The following AZIN1 variants were observed in gnomAD, a reference collection of about 807,000 sequenced individuals.
AZIN1 encodes the protein ornithine decarboxylase antizyme inhibitor.
In AZIN1, 12 loss-of-function variants were observed where a neutral mutation model predicts 47.4. That is an observed-to-expected ratio of 0.25 (90% CI 0.16 to 0.41). The LOEUF (loss-of-function observed/expected upper bound fraction) is 0.41. Among genes scored for constraint, AZIN1 ranks in the 10% least tolerant of loss-of-function variants. The probability of loss-of-function intolerance (pLI) is 1.00; values close to 1 mark genes in which losing one functional copy is unlikely to be tolerated. For synonymous variants in AZIN1, 155 were observed against 176.3 expected, an observed-to-expected ratio of 0.88 and a Z score of 0.96; for missense variants, 410 against 532.4, an observed-to-expected ratio of 0.77 and a Z score of 2.26.
chr8:102,860,286 G>A (rs1482959210), intron 1 of AZIN1, among the ~76,000 whole-genome samples: 5 of 152,160 alleles, frequency 3.3e-5, no homozygotes, highest in East Asian at 1.9e-4. Context: ...TTTTTGAGAC[G>A]GAGTCTCGCT....
intron 2 of AZIN1, among the ~76,000 whole-genome samples, 176 bp from the exon 3 acceptor site, chr8:102,843,923 T>C (rs1164152122): frequency 6.6e-6 from 1 of 152,178 alleles, no homozygotes; most frequent in African/African-American, 2.4e-5. Flanking sequence ...ATACATGAAT[T>C]AAAATACATT....
chr8:102,829,907 A>C lies in AZIN1; in HGVS notation c.934T>G (p.Phe312Val). 1 of 1,610,486 alleles carries C rather than the reference A, an allele frequency of 6.2e-7. No individual in the cohort carries two copies. Among genetic ancestry groups the C allele is most frequent in the South Asian group, 1.1e-5 (1 of 89,768 alleles). Residue 312 changes from phenylalanine (F) to valine (V), a missense_variant, in exon 10 of 12, where the codon TTC becomes GTC. Coordinates refer to ENST00000337198, the MANE Select transcript of AZIN1 (RefSeq NM_148174.4). ...ACACCATCATTCATATAATACATGA[A>C]GGCTGGTTCATCACTTCCGGTTTTT... Reference protein sequence around the residue: ...VEKTGSDEPAFMYYMNDGVYG... With the variant: ...VEKTGSDEPAVMYYMNDGVYG...
In AZIN1 at chr8:102,863,634, CGCCGCCGCCGCCGGGGGCACAGACA is replaced by C. The variant is rs1321390977; in HGVS notation, c.-234+148_-234+172del. Among the ~76,000 whole-genome samples the C allele has an allele frequency of 3.9e-4, 58 of 149,358 alleles. 1 individual carries two copies. Among genetic ancestry groups the C allele is most frequent in the Admixed American group, 3.3e-3 (50 of 15,040 alleles). On this transcript the variant is annotated intron_variant, in intron 1 of 11. Coordinates refer to ENST00000337198, the MANE Select transcript of AZIN1 (RefSeq NM_148174.4). ...GCGGCCCGCCGCCCAGCCCCGCCGC[CGCCGCCGCCGCCGGGGGCACAGACA>C]GCCGCCGCCGCCATGTTCGAGGCGG...
chr8:102,832,685 G>T (rs1428499894), intron 9 of AZIN1, among the ~76,000 whole-genome samples: 1 of 150,550 alleles, frequency 6.6e-6, no homozygotes, highest in Non-Finnish European at 1.5e-5. Flanking sequence ...TTGTCACCCA[G>T]GCTGGAGTCC....
intron 3 of AZIN1, among the ~76,000 whole-genome samples, chr8:102,841,304 G>A (rs1812163564): frequency 6.6e-6 from 1 of 152,210 alleles, no homozygotes; most frequent in Admixed American, 6.5e-5. Flanking sequence ...ATGACTTAGA[G>A]AACACAGAAG....
chr8:102,833,344 A>G, intron 8 of AZIN1, 126 bp from the exon 9 acceptor site: 1 of 794,334 alleles, frequency 1.3e-6, no homozygotes, highest in Non-Finnish European at 1.9e-6. Flanking sequence ...CATGAACCTT[A>G]GCAACTTTGT....
At chr8:102,829,750 G>A in intron 10 of AZIN1, 71 bp downstream of exon 10, 7 of 1,165,246 alleles carry the variant, frequency 6.0e-6, no homozygotes, top group Non-Finnish European at 7.6e-6. Context: ...AAAAAACTGG[G>A]AAGCATCTTA....
intron 8 of AZIN1, among the ~76,000 whole-genome samples, chr8:102,833,705 T>C (rs533932914): frequency 2.0e-3 from 303 of 151,442 alleles, no homozygotes; most frequent in Non-Finnish European, 3.8e-3. Flanking sequence ...GGAGGATCAT[T>C]TGAGGCCAGG....
intron 2 of AZIN1, chr8:102,855,766 G>A (rs1161306659): frequency 1.3e-5 from 2 of 152,172 alleles, no homozygotes; most frequent in Admixed American, 6.5e-5. Context: ...TTAACCCCAG[G>A]ATTTCGGTGT....
chr8:102,859,223 T>A (rs1425762056), intron 1 of AZIN1: 1 of 152,200 alleles, frequency 6.6e-6, no homozygotes, highest in Non-Finnish European at 1.5e-5. Context: ...AATCTTACAT[T>A]AGATTCCAAA....
intron 2 of AZIN1, among the ~76,000 whole-genome samples, chr8:102,851,592 G>C (rs1812922350): frequency 6.6e-6 from 1 of 152,120 alleles, no homozygotes; most frequent in South Asian, 2.1e-4. Context: ...TGTAATCCCA[G>C]CTACTTGGGA....
intron 9 of AZIN1, among the ~76,000 whole-genome samples, chr8:102,832,328 A>AT (rs930835414): frequency 6.6e-6 from 1 of 152,088 alleles, no homozygotes; most frequent in African/African-American, 2.4e-5. Context: ...CAAAAAAAAA[A>AT]GTCTTCTTAA....
chr8:102,855,751 G>A (rs1349194872), intron 2 of AZIN1: 1 of 152,140 alleles, frequency 6.6e-6, no homozygotes, highest in Non-Finnish European at 1.5e-5. Context: ...TTGATCTACA[G>A]AAAATTAACC....
At chr8:102,840,602 A>G (rs1043198726) in intron 3 of AZIN1, among the ~76,000 whole-genome samples, 5 of 152,236 alleles carry the variant, frequency 3.3e-5, no homozygotes, top group Non-Finnish European at 5.9e-5. Context: ...CAAATATCAG[A>G]TAAGCCTGAA....
At chr8:102,860,946 A>C (rs1813608109) in intron 1 of AZIN1, among the ~76,000 whole-genome samples, 1 of 152,238 alleles carries the variant, frequency 6.6e-6, no homozygotes, top group Non-Finnish European at 1.5e-5. Flanking sequence ...AGGAAGACTG[A>C]GAAACTGTCA....
chr8:102,854,595 A>C (rs1434889589), intron 2 of AZIN1: 1 of 15,568 alleles, frequency 6.4e-5, no homozygotes, highest in African/African-American at 2.2e-4. Context: ...AGACTCTGTC[A>C]AAAAAAAAAA....
At chr8:102,841,193 G>A (rs1812154964) in intron 3 of AZIN1, among the ~76,000 whole-genome samples, 1 of 152,186 alleles carries the variant, frequency 6.6e-6, no homozygotes, top group Admixed American at 6.5e-5. Context: ...AATGACATGT[G>A]CAAAGACGGA....
chr8:102,833,522 A>C (rs1413303266), intron 8 of AZIN1, among the ~76,000 whole-genome samples: 3 of 151,980 alleles, frequency 2.0e-5, no homozygotes, highest in Non-Finnish European at 4.4e-5. Flanking sequence ...ACAGAAGTAA[A>C]ATTTTCAAAT....
intron 1 of AZIN1, among the ~76,000 whole-genome samples, chr8:102,858,536 A>G (rs1240953993): frequency 6.6e-6 from 1 of 152,220 alleles, no homozygotes; most frequent in Non-Finnish European, 1.5e-5. Flanking sequence ...TAGTGTATAT[A>G]CAAGACTTTA....
Sources: gnomAD v4.1 joint callset for allele counts (sites outside exome capture counted in the v4.1 genomes callset) on GRCh38, gnomAD v4.1.1 for gene constraint, MANE v1.5 for transcripts, NCBI Gene and HGNC (gene_info 2026-07-23, HGNC 2026-07-21) for gene names.